The following NPAS3 variants were observed in gnomAD, a reference collection of about 807,000 sequenced individuals.
NPAS3 encodes the protein neuronal PAS domain-containing protein 3.
In NPAS3, 14 loss-of-function variants were observed where a neutral mutation model predicts 73.1. The ratio of observed to expected loss-of-function variants is 0.19; its 90% CI spans 0.13 to 0.30. The LOEUF (loss-of-function observed/expected upper bound fraction) is 0.30. NPAS3 is among the 10% of genes least tolerant of loss of function. The pLI is 1.00. For missense variants in NPAS3, 1,096 were observed against 1,250.0 expected (o/e 0.88, Z 1.86); for synonymous variants, 620 against 541.5 (o/e 1.14, Z -2.01).
intron 4 of NPAS3, among the ~76,000 whole-genome samples, chr14:33,420,656 A>G (rs1052840082): frequency 6.6e-6 from 1 of 151,966 alleles, no homozygotes; most frequent in Non-Finnish European, 1.5e-5. Flanking sequence ...TAACAGATCT[A>G]AAAGGTAAAT....
chr14:33,221,428 T>C (rs1046972175), intron 3 of NPAS3, among the ~76,000 whole-genome samples: 1 of 152,190 alleles, frequency 6.6e-6, no homozygotes, highest in Non-Finnish European at 1.5e-5. Context: ...TCCAGAGTAG[T>C]ACTTGTGTAT....
At chr14:33,102,460 G>T (rs976944165) in intron 2 of NPAS3, among the ~76,000 whole-genome samples, 9 of 152,152 alleles carry the variant, frequency 5.9e-5, no homozygotes, top group African/African-American at 1.7e-4. Flanking sequence ...TCATCTGTTA[G>T]AGGTAGATGA....
In NPAS3 at chr14:33,507,615, C is replaced by G. The variant is rs139444284; in HGVS notation, c.469-52506C>G. On this transcript the variant is annotated intron_variant, in intron 4 of 11. Coordinates refer to ENST00000356141, the Ensembl canonical transcript of NPAS3. ...TTCATTTTCAAATGGAATTCCAATT[C>G]AGTTTTAGCCTACTGTTCTCCCTCA... Among the ~76,000 whole-genome samples, 100 of 152,042 alleles carry G rather than the reference C, an allele frequency of 6.6e-4. 1 individual carries two copies. The highest frequency in any genetic ancestry group is 2.4e-3 in the African/African-American group (98 of 41,526).
chr14:33,047,293 G>T (rs555459931), intron 1 of NPAS3, among the ~76,000 whole-genome samples: 1 of 152,142 alleles, frequency 6.6e-6, no homozygotes, highest in Non-Finnish European at 1.5e-5. Flanking sequence ...CAGCAATTAG[G>T]TAAAGTTGGT....
At chr14:33,038,638 T>C (rs770351227) in intron 1 of NPAS3, among the ~76,000 whole-genome samples, 1 of 152,188 alleles carries the variant, frequency 6.6e-6, no homozygotes, top group Non-Finnish European at 1.5e-5. Context: ...GATAGTTGGA[T>C]AGCATTTGGG....
At chr14:33,138,210 C>G (rs563738504) in intron 2 of NPAS3, among the ~76,000 whole-genome samples, 1 of 148,624 alleles carries the variant, frequency 6.7e-6, no homozygotes, top group African/African-American at 2.5e-5. Context: ...CCCCCTCCCC[C>G]CACCTCACAA....
intron 3 of NPAS3, among the ~76,000 whole-genome samples, chr14:33,249,631 A>T (rs951369031): frequency 1.3e-5 from 2 of 151,644 alleles, no homozygotes; most frequent in African/African-American, 4.8e-5. Flanking sequence ...CAAAGCATTT[A>T]CTCTTTCTTA....
chr14:33,567,091 A>G (rs1240664469), intron 5 of NPAS3, among the ~76,000 whole-genome samples: 3 of 152,194 alleles, frequency 2.0e-5, no homozygotes, highest in African/African-American at 7.2e-5. Context: ...TCTGTTGATC[A>G]GTAATCTTCC....
intron 1 of NPAS3, among the ~76,000 whole-genome samples, chr14:33,041,315 C>T (rs1303918237): frequency 6.6e-6 from 1 of 151,994 alleles, no homozygotes; most frequent in Non-Finnish European, 1.5e-5. Context: ...CTTCCCTGTA[C>T]CAGTAGGAAA....
chr14:33,286,205 T>C (rs1031610999), intron 3 of NPAS3, among the ~76,000 whole-genome samples: 7 of 152,214 alleles, frequency 4.6e-5, no homozygotes, highest in Admixed American at 2.6e-4. Flanking sequence ...TCCAGGGCTC[T>C]TTCTACTTCT....
chr14:33,329,998 G>T (rs1425139502), intron 3 of NPAS3, among the ~76,000 whole-genome samples: 2 of 152,102 alleles, frequency 1.3e-5, no homozygotes, highest in African/African-American at 4.8e-5. Flanking sequence ...ACACTGCCTG[G>T]ACTTTGGGAG....
chr14:33,106,794 A>G (rs1446567515), intron 2 of NPAS3, among the ~76,000 whole-genome samples: 2 of 152,216 alleles, frequency 1.3e-5, no homozygotes, highest in Non-Finnish European at 2.9e-5. Flanking sequence ...ACTATAAATT[A>G]TGATAAAACC....
intron 6 of NPAS3, among the ~76,000 whole-genome samples, chr14:33,699,357 A>G (rs4277263): frequency 0.1 from 15,179 of 152,202 alleles, 979 homozygotes; most frequent in Middle Eastern, 0.18. Context: ...ACCCTGCTAA[A>G]TTGTAAATTT....
chr14:33,632,029 A>T (rs899898380), intron 5 of NPAS3, among the ~76,000 whole-genome samples: 1 of 152,194 alleles, frequency 6.6e-6, no homozygotes, highest in Non-Finnish European at 1.5e-5. Flanking sequence ...TGGCATAGAC[A>T]TTATCTCTTA....
At chr14:33,122,371 A>G (rs2043262061) in intron 2 of NPAS3, among the ~76,000 whole-genome samples, 2 of 152,174 alleles carry the variant, frequency 1.3e-5, no homozygotes, top group South Asian at 4.1e-4. Context: ...CTTTAGATGG[A>G]CTTATCAAAT....
intron 3 of NPAS3, among the ~76,000 whole-genome samples, chr14:33,291,328 C>A (rs1267438142): frequency 6.6e-6 from 1 of 152,052 alleles, no homozygotes; most frequent in Non-Finnish European, 1.5e-5. Context: ...TTTTAAAGGC[C>A]TTATATCTCA....
At chr14:33,489,346 G>A (rs2051776255) in intron 4 of NPAS3, among the ~76,000 whole-genome samples, 1 of 152,124 alleles carries the variant, frequency 6.6e-6, no homozygotes, top group Non-Finnish European at 1.5e-5. Context: ...ATAGGAATAT[G>A]CCTGTATCAG....
intron 4 of NPAS3, among the ~76,000 whole-genome samples, chr14:33,501,451 GTAA>G (rs1358481120): frequency 6.6e-6 from 1 of 151,744 alleles, no homozygotes; most frequent in Non-Finnish European, 1.5e-5. Context: ...TTATTTTTAT[GTAA>G]TAATATATTC....
downstream of NPAS3, chr14:33,802,447 A>G (rs2063740462): frequency 6.6e-6 from 1 of 152,214 alleles, no homozygotes. Context: ...TTGTTGCCAG[A>G]AATCAGTGTG....
Sources: gnomAD v4.1 joint callset for allele counts (sites outside exome capture counted in the v4.1 genomes callset) on GRCh38, gnomAD v4.1.1 for gene constraint, MANE v1.5 for transcripts, NCBI Gene and HGNC (gene_info 2026-07-23, HGNC 2026-07-21) for gene names.